Variants in EYA3 observed in about 807,000 individuals in gnomAD.
EYA3 encodes protein phosphatase EYA3.
Under a neutral mutation model 80.0 loss-of-function variants are expected in EYA3, and 39 were observed. The ratio of observed to expected loss-of-function variants is 0.49; its 90% confidence interval spans 0.38 to 0.64. The LOEUF is 0.64. Ranked by LOEUF, EYA3 falls within the 30% of genes least tolerant of loss-of-function variation. The pLI is 0.00. For synonymous variants in EYA3, 206 were observed against 232.8 expected, an observed-to-expected ratio of 0.88 and a Z score of 1.05; for missense variants, 523 against 676.1, an observed-to-expected ratio of 0.77 and a Z score of 2.51.
chr1:28,077,019 G>A (rs1645239852), intron 1 of EYA3, among the ~76,000 whole-genome samples: 1 of 150,760 alleles, frequency 6.6e-6, no homozygotes, highest in African/African-American at 2.4e-5. Context: ...GGGATTACAG[G>A]TGCAAGCCAC....
intron 7 of EYA3, among the ~76,000 whole-genome samples, chr1:28,021,350 G>C (rs575797294): frequency 1.4e-4 from 22 of 152,082 alleles, no homozygotes; most frequent in South Asian, 8.3e-4. Context: ...TTAAAACCAA[G>C]ACCTTTTCTG....
intron 13 of EYA3, among the ~76,000 whole-genome samples, chr1:27,994,844 C>G (rs975370731): frequency 6.6e-6 from 1 of 151,108 alleles, no homozygotes; most frequent in African/African-American, 2.4e-5. Flanking sequence ...TGGTGTGTAC[C>G]TGTTATCCTA....
chr1:28,081,782 T>G lies in EYA3; in HGVS notation c.-69+6742A>C, dbSNP rs59931223. 2.7e-3 allele frequency among the ~76,000 whole-genome samples: 407 copies of G among 152,340 alleles called. 2 individuals carry two copies. Among genetic ancestry groups the G allele is most frequent in the African/African-American group, 8.9e-3 (372 of 41,588 alleles). ...TTCACCTAAAAGCTAATCATTCTAA[T>G]GTATTCCCGTAGTAACGGTGCTGAT... is the stretch of plus-strand genomic sequence containing the variant. On this transcript the variant is annotated intron_variant, in intron 1 of 17. Coordinates refer to ENST00000373871, the MANE Select transcript of EYA3 (RefSeq NM_001990.4).
At chr1:28,056,674 G>T (rs1644448996) in intron 2 of EYA3, among the ~76,000 whole-genome samples, 1 of 152,200 alleles carries the variant, frequency 6.6e-6, no homozygotes, top group Admixed American at 6.6e-5. Context: ...TCATGTTACA[G>T]AAGTTCAAGA....
intron 10 of EYA3, among the ~76,000 whole-genome samples, chr1:28,010,191 AAAGAT>A (rs1201221788): frequency 1.3e-5 from 2 of 152,202 alleles, no homozygotes; most frequent in Non-Finnish European, 2.9e-5. Flanking sequence ...CAGAAAACAA[AAAGAT>A]AATACAAAAA....
At chr1:28,017,046 C>T in intron 8 of EYA3, 108 bp downstream of exon 8, 1 of 905,326 alleles carries the variant, frequency 1.1e-6, no homozygotes, top group Non-Finnish European at 1.8e-6. Flanking sequence ...GTCTCCACAG[C>T]CCATACTATT....
chr1:27,987,175 C>G (rs1639717076), intron 16 of EYA3, among the ~76,000 whole-genome samples: 1 of 152,174 alleles, frequency 6.6e-6, no homozygotes, highest in Non-Finnish European at 1.5e-5. Flanking sequence ...CATGTGATTA[C>G]TTTAGAAGCC....
chr1:28,079,695 C>T (rs1263427579), intron 1 of EYA3, among the ~76,000 whole-genome samples: 2 of 152,050 alleles, frequency 1.3e-5, no homozygotes, highest in African/African-American at 4.8e-5. Flanking sequence ...GCAACAGGAC[C>T]TCCCTCTCTC....
chr1:27,974,289 G>A lies in EYA3; in HGVS notation c.*177C>T. 2.2e-6 allele frequency: 1 copy of A among 455,824 alleles called. No homozygotes were observed. The highest frequency in any genetic ancestry group is 4.0e-6 in the Non-Finnish European group (1 of 248,342). The allele number at this position is 455,824 out of a possible 1,614,324, so 28.2% of individuals were successfully genotyped here. A position where few individuals can be genotyped will look rare whatever the true frequency, so the allele number is the denominator to read the frequency against. On this transcript the variant is annotated 3_prime_UTR_variant, in exon 18 of 18. Coordinates refer to ENST00000373871, the MANE Select transcript of EYA3 (RefSeq NM_001990.4). ...AGAGAGAGAGAGAGAGAGGCAGAGA[G>A]GGAGGGAGAGAGGAAGGGAGGGAGG...
chr1:28,086,458 A>G (rs142142320), intron 1 of EYA3, among the ~76,000 whole-genome samples: 1 of 152,358 alleles, frequency 6.6e-6, no homozygotes, highest in African/African-American at 2.4e-5. Context: ...GCTGGGGATT[A>G]TAGGTGTGAA....
chr1:28,038,810 T>C (rs373798314), intron 5 of EYA3, 29 bp downstream of exon 5: 4 of 1,369,864 alleles, frequency 2.9e-6, no homozygotes, highest in Non-Finnish European at 4.1e-6. Context: ...AAAAAGCATA[T>C]GCATTTTGGA....
At chr1:28,057,694 T>G (rs943725683) in intron 2 of EYA3, among the ~76,000 whole-genome samples, 14 of 152,192 alleles carry the variant, frequency 9.2e-5, no homozygotes, top group South Asian at 4.1e-4. Context: ...CTGGTAGAAA[T>G]GGTGATATAC....
At chr1:28,042,715 G>C in intron 3 of EYA3, 65 bp from the exon 4 acceptor site, 1 of 1,275,686 alleles carries the variant, frequency 7.8e-7, no homozygotes, top group South Asian at 1.2e-5. Flanking sequence ...AAAGTGATGA[G>C]TTCAAACCCA....
intron 1 of EYA3, among the ~76,000 whole-genome samples, chr1:28,065,800 CA>C (rs1158578595): frequency 6.6e-6 from 1 of 151,048 alleles, no homozygotes. Flanking sequence ...GTCAGGAGTT[CA>C]AGGCCAGCCT....
intron 17 of EYA3, among the ~76,000 whole-genome samples, chr1:27,977,957 G>A (rs1639047291): frequency 1.3e-5 from 2 of 152,292 alleles, no homozygotes; most frequent in South Asian, 2.1e-4. Flanking sequence ...TCAAAGGCAG[G>A]AAAGACTTTC....
intron 8 of EYA3, among the ~76,000 whole-genome samples, chr1:28,016,532 TAAAAA>T (rs11318124): frequency 6.1e-5 from 7 of 113,930 alleles, no homozygotes; most frequent in Middle Eastern, 4.9e-3. Flanking sequence ...GACTCCATCT[TAAAAA>T]AAAAAAAAAA....
At chr1:28,054,683 ACCCCG>A (rs1336119526) in intron 2 of EYA3, among the ~76,000 whole-genome samples, 2 of 152,084 alleles carry the variant, frequency 1.3e-5, no homozygotes, top group African/African-American at 4.8e-5. Flanking sequence ...ACAGGGCAAA[ACCCCG>A]TGTCTACTGA....
chr1:27,984,021 G>A (rs1419789849), intron 16 of EYA3, among the ~76,000 whole-genome samples: 2 of 151,886 alleles, frequency 1.3e-5, no homozygotes, highest in Non-Finnish European at 1.5e-5. Context: ...CCCAAAATGT[G>A]GGCTTGTCTT....
At chr1:27,990,928 T>C (rs1002402536) in intron 14 of EYA3, among the ~76,000 whole-genome samples, 1 of 152,014 alleles carries the variant, frequency 6.6e-6, no homozygotes, top group Non-Finnish European at 1.5e-5. Flanking sequence ...ACTTTCTTTA[T>C]CACAGTGTTT....
Sources: allele counts gnomAD v4.1 joint callset (sites outside exome capture counted in the v4.1 genomes callset), GRCh38; gene constraint gnomAD v4.1.1; transcripts MANE v1.5; gene names NCBI Gene and HGNC (gene_info 2026-07-23, HGNC 2026-07-21).